The following ADD3 variants were observed in gnomAD, a reference collection of about 807,000 sequenced individuals.
The protein encoded by ADD3 is adducin 3.
ADD3 carries 25 observed loss-of-function variants against 80.2 expected under a neutral mutation model. The observed-to-expected ratio is 0.31, with a 90% CI of 0.23 to 0.44. The LOEUF is 0.44. Ranked by LOEUF, ADD3 falls within the 20% of genes least tolerant of loss-of-function variation. The probability of loss-of-function intolerance (pLI) is 1.00; values close to 1 mark genes in which losing one functional copy is unlikely to be tolerated. For missense variants in ADD3, 829 were observed against 847.5 expected (o/e 0.98, Z 0.27); for synonymous variants, 284 against 289.6 (o/e 0.98, Z 0.20).
chr10:110,038,064 C>T (rs953232776), intron 1 of ADD3, among the ~76,000 whole-genome samples: 7 of 120,858 alleles, frequency 5.8e-5, no homozygotes, highest in Admixed American at 2.8e-4. Flanking sequence ...AGTAAAACTC[C>T]GTCTCAAAAA....
chr10:110,007,603 T>A (rs1851754244), upstream of ADD3, among the ~76,000 whole-genome samples: 1 of 152,246 alleles, frequency 6.6e-6, no homozygotes, highest in African/African-American at 2.4e-5. Flanking sequence ...GGATTCGAGC[T>A]GCACAGTCAG....
chr10:110,097,308 C>T (rs1249231935), intron 1 of ADD3, among the ~76,000 whole-genome samples: 1 of 151,992 alleles, frequency 6.6e-6, no homozygotes, highest in African/African-American at 2.4e-5. Flanking sequence ...TTTAAAAATT[C>T]TTTGGTGAGG....
chr10:110,007,993 G>GCCGC lies in ADD3; in HGVS notation c.-334_-331dup, dbSNP rs1851816986. The GCCGC allele has an allele frequency of 6.6e-6, 1 of 152,252 alleles. No homozygotes were observed. Among genetic ancestry groups the GCCGC allele is most frequent in the South Asian group, 2.1e-4 (1 of 4,836 alleles). 9.4% of individuals were successfully genotyped at this position (152,252 alleles called of 1,614,324 possible). On this transcript the variant is annotated 5_prime_UTR_variant, in exon 1 of 15. Transcript: ENST00000356080. ...CTCGGCTAGTCCCGCCAGAGCGCGA[G>GCCGC]CCGCCAGCCCGTAACGGTCGCCAGT...
intron 1 of ADD3, among the ~76,000 whole-genome samples, chr10:110,029,171 G>T (rs746353057): frequency 6.6e-6 from 1 of 152,232 alleles, no homozygotes; most frequent in African/African-American, 2.4e-5. Context: ...GAGCCACCGT[G>T]CCTGGCTCAC....
chr10:110,127,454 T>A (rs1430038207), intron 12 of ADD3, among the ~76,000 whole-genome samples: 1 of 152,166 alleles, frequency 6.6e-6, no homozygotes, highest in African/African-American at 2.4e-5. Flanking sequence ...CCATCTCTAC[T>A]GAAAATACAA....
At chr10:110,119,686 T>C in intron 8 of ADD3, 122 bp downstream of exon 8, 2 of 764,456 alleles carry the variant, frequency 2.6e-6, no homozygotes, top group Non-Finnish European at 4.2e-6. Flanking sequence ...GAAGTTCTGC[T>C]CTACTTATGT....
In ADD3 at chr10:110,020,564, G is replaced by A. The variant is rs564600306; in HGVS notation, c.-30+12265G>A. On this transcript the variant is annotated intron_variant, in intron 1 of 14. Transcript: ENST00000356080. Reference sequence around the variant, plus strand: ...ACTGGCATGGATGAAGCAGAACGTGGTGGGGATAATGGGAAGCCACTGGAT... The same window carrying A: ...ACTGGCATGGATGAAGCAGAACGTGATGGGGATAATGGGAAGCCACTGGAT... 4.6e-5 allele frequency among the ~76,000 whole-genome samples: 7 copies of A among 152,300 alleles called. No homozygotes were observed. The South Asian group carries it at 1.5e-3, about 32-fold the overall frequency.
chr10:110,053,720 A>G (rs1354782853), intron 1 of ADD3, among the ~76,000 whole-genome samples: 3 of 152,184 alleles, frequency 2.0e-5, no homozygotes, highest in African/African-American at 7.2e-5. Flanking sequence ...ATCAATAGGT[A>G]AAATAAGAGT....
chr10:110,129,522 G>A (rs186026180), intron 12 of ADD3, among the ~76,000 whole-genome samples: 2 of 152,226 alleles, frequency 1.3e-5, no homozygotes, highest in East Asian at 3.9e-4. Context: ...TGTGGAATAG[G>A]GAAGGGAACC....
At chr10:110,116,180 C>A in intron 3 of ADD3, 79 bp from the exon 4 acceptor site, 2 of 1,435,212 alleles carry the variant, frequency 1.4e-6, no homozygotes, top group Non-Finnish European at 1.9e-6. Flanking sequence ...CTCCCAGACG[C>A]AGGCTACTTC....
At chr10:110,074,039 C>T (rs1845097298) in intron 1 of ADD3, among the ~76,000 whole-genome samples, 1 of 152,080 alleles carries the variant, frequency 6.6e-6, no homozygotes, top group African/African-American at 2.4e-5. Context: ...ATCTCTGTGG[C>T]TGTTTTAAGT....
intron 1 of ADD3, among the ~76,000 whole-genome samples, chr10:110,060,573 C>T (rs1015225265): frequency 2.6e-5 from 4 of 152,218 alleles, no homozygotes; most frequent in Non-Finnish European, 5.9e-5. Flanking sequence ...TATTCTCTCT[C>T]AAAGCTTGAG....
chr10:110,092,262 C>T (rs562424809), intron 1 of ADD3, among the ~76,000 whole-genome samples: 6 of 152,192 alleles, frequency 3.9e-5, no homozygotes, highest in Middle Eastern at 3.4e-3. Flanking sequence ...AAGACACAAG[C>T]GCAAATATGT....
chr10:110,004,304 A>T (rs1251300041), upstream of ADD3, among the ~76,000 whole-genome samples: 1 of 150,646 alleles, frequency 6.6e-6, no homozygotes, highest in African/African-American at 2.4e-5. Context: ...GGAGGCCGAG[A>T]CAGGCGGATC....
In ADD3 at chr10:110,094,108, G is replaced by T. The variant is rs563680498; in HGVS notation, c.-29-6517G>T. Among the ~76,000 whole-genome samples, 38 of 152,058 alleles carry T rather than the reference G, an allele frequency of 2.5e-4. 1 individual carries two copies. Among genetic ancestry groups the T allele is most frequent in the African/African-American group, 9.2e-4 (38 of 41,474 alleles). On this transcript the variant is annotated intron_variant, in intron 1 of 14. Transcript: ENST00000356080. The stretch of plus-strand genomic sequence containing the variant: ...ACATCTATTTTTCTGTGCATGCTAG[G>T]CAAACGGACCATTAAGTCTATTACA...
chr10:110,121,885 T>TTTCCA lies in ADD3; in HGVS notation c.961-223_961-219dup, dbSNP rs147434151. The stretch of plus-strand genomic sequence containing the variant: ...GTTAAGAGGTATGGCTCTAATGTGT[T>TTTCCA]TTCCATCAGGGAGGATCAGAGTCTT... On this transcript the variant is annotated intron_variant, in intron 8 of 14. Transcript: ENST00000356080. 242 of 382,210 alleles carry TTTCCA rather than the reference T, an allele frequency of 6.3e-4. 4 individuals are homozygous for TTTCCA. Among genetic ancestry groups the TTTCCA allele is most frequent in the African/African-American group, 4.7e-3 (228 of 48,588 alleles). 23.7% of individuals were successfully genotyped at this position (382,210 alleles called of 1,614,324 possible). A position where few individuals can be genotyped will look rare whatever the true frequency, so the allele number is the denominator to read the frequency against.
intron 3 of ADD3, among the ~76,000 whole-genome samples, chr10:110,113,331 G>A (rs891194996): frequency 3.3e-5 from 5 of 152,130 alleles, no homozygotes; most frequent in Non-Finnish European, 5.9e-5. Flanking sequence ...ACAGTGGCCC[G>A]ATCTCGGCTC....
At chr10:110,082,184 GAAC>G (rs1202451808) in intron 1 of ADD3, among the ~76,000 whole-genome samples, 12 of 151,826 alleles carry the variant, frequency 7.9e-5, no homozygotes, top group Non-Finnish European at 1.2e-4. Flanking sequence ...TAACGTTTTA[GAAC>G]AACAAGTGTC....
chr10:110,093,651 T>A (rs1034070242), intron 1 of ADD3, among the ~76,000 whole-genome samples: 45 of 152,228 alleles, frequency 3.0e-4, no homozygotes, highest in African/African-American at 1.0e-3. Context: ...TTCCTTTTTG[T>A]TTGGAACTCA....
Sources: gnomAD v4.1 joint callset for allele counts (sites outside exome capture counted in the v4.1 genomes callset) on GRCh38, gnomAD v4.1.1 for gene constraint, MANE v1.5 for transcripts, NCBI Gene and HGNC (gene_info 2026-07-23, HGNC 2026-07-21) for gene names.